ATE1: variants seen among roughly 807,000 people sequenced by gnomAD.
ATE1 encodes the protein arginyl-tRNA--protein transferase 1.
A neutral mutation model predicts 70.5 loss-of-function variants in ATE1; 36 were observed. The observed-to-expected ratio is 0.51, with a 90% CI of 0.39 to 0.67. The LOEUF (loss-of-function observed/expected upper bound fraction) is 0.67. Ranked by LOEUF, ATE1 falls within the 30% of genes least tolerant of loss-of-function variation. The pLI is 0.00. For missense variants in ATE1, 593 were observed against 629.5 expected, an observed-to-expected ratio of 0.94 and a Z score of 0.62; for synonymous variants, 232 against 219.3, an observed-to-expected ratio of 1.06 and a Z score of -0.51.
intron 8 of ATE1, among the ~76,000 whole-genome samples, chr10:121,861,589 T>A (rs1305738577): frequency 2.5e-3 from 271 of 108,428 alleles, no homozygotes; most frequent in African/African-American, 9.3e-3. Flanking sequence ...CTGGGGACTG[T>A]TGTGGGGTGG....
At chr10:121,922,648 T>G (rs73364494) in intron 2 of ATE1, among the ~76,000 whole-genome samples, 5,087 of 152,106 alleles carry the variant, frequency 0.033, 154 homozygotes, top group African/African-American at 0.083. Flanking sequence ...TCATCTCAGT[T>G]CCCCTCTCAC....
intron 8 of ATE1, 67 bp downstream of exon 8, chr10:121,869,939 A>G: frequency 7.1e-7 from 1 of 1,413,668 alleles, no homozygotes; most frequent in Non-Finnish European, 1.0e-6. Context: ...ATAAATGCCT[A>G]ATGAAAGATA....
chr10:121,763,548 G>A (rs562630179), intron 11 of ATE1, among the ~76,000 whole-genome samples: 133 of 152,288 alleles, frequency 8.7e-4, no homozygotes, highest in African/African-American at 3.0e-3. Context: ...TCTGGAAAAG[G>A]TAAAACTATG....
intron 11 of ATE1, among the ~76,000 whole-genome samples, chr10:121,773,987 A>T (rs1248961768): frequency 1.1e-4 from 16 of 152,230 alleles, no homozygotes; most frequent in African/African-American, 3.9e-4. Flanking sequence ...AACACCAGCA[A>T]ATTCAAAACG....
At chr10:121,925,932 G>A (rs1352125348) in intron 1 of ATE1, among the ~76,000 whole-genome samples, 1 of 151,872 alleles carries the variant, frequency 6.6e-6, no homozygotes, top group African/African-American at 2.4e-5. Context: ...TGGGCCAGGT[G>A]CAGTGGCTCA....
At chr10:121,875,090 G>C (rs1949997920) in intron 7 of ATE1, among the ~76,000 whole-genome samples, 1 of 136,554 alleles carries the variant, frequency 7.3e-6, no homozygotes, top group African/African-American at 2.8e-5. Context: ...AGTGAGTCGA[G>C]ACCGCACCAC....
In ATE1 at chr10:121,871,004, C is replaced by T. The variant is rs150618165; in HGVS notation, c.943-966G>A. ...TTTCCAAGCACTCATGAACTTCCTC[C>T]CCACAACAAAGCTAGTACTCGCAGG... is the stretch of plus-strand genomic sequence containing the variant. On this transcript the variant is annotated intron_variant, in intron 7 of 11. Coordinates refer to ENST00000224652, the MANE Select transcript of ATE1 (RefSeq NM_001001976.3). 7.1e-3 allele frequency among the ~76,000 whole-genome samples: 1,076 copies of T among 152,172 alleles called. 25 individuals carry two copies. Among genetic ancestry groups the T allele is most frequent in the African/African-American group, 0.025 (1,018 of 41,508 alleles).
intron 8 of ATE1, among the ~76,000 whole-genome samples, chr10:121,867,750 G>C (rs538415719): frequency 6.6e-6 from 1 of 152,152 alleles, no homozygotes; most frequent in African/African-American, 2.4e-5. Flanking sequence ...GTATAATTTT[G>C]CATCGTGCTT....
At chr10:121,786,471 C>G (rs1946216167) in intron 11 of ATE1, among the ~76,000 whole-genome samples, 1 of 151,980 alleles carries the variant, frequency 6.6e-6, no homozygotes, top group African/African-American at 2.4e-5. Context: ...GAGTTCAAGA[C>G]AAGCCTACGC....
intron 6 of ATE1, among the ~76,000 whole-genome samples, chr10:121,901,085 G>C (rs1415843440): frequency 6.6e-6 from 1 of 152,096 alleles, no homozygotes; most frequent in Non-Finnish European, 1.5e-5. Flanking sequence ...GGCTGACATG[G>C]TGAAACCCTG....
intron 7 of ATE1, among the ~76,000 whole-genome samples, chr10:121,894,163 G>GAA (rs563581504): frequency 7.1e-6 from 1 of 141,272 alleles, no homozygotes; most frequent in South Asian, 2.3e-4. Flanking sequence ...AGGAACAGAG[G>GAA]AAAAAAAAAA....
intron 11 of ATE1, among the ~76,000 whole-genome samples, chr10:121,788,031 A>G (rs1394471756): frequency 6.6e-6 from 1 of 152,226 alleles, no homozygotes; most frequent in African/African-American, 2.4e-5. Context: ...ACTTATACAG[A>G]AACAGTTTTA....
chr10:121,885,272 A>AG (rs1950350072), intron 7 of ATE1, among the ~76,000 whole-genome samples: 1 of 147,358 alleles, frequency 6.8e-6, no homozygotes, highest in African/African-American at 2.5e-5. Flanking sequence ...AAAAAAAAAA[A>AG]AAAAAAAAAA....
intron 3 of ATE1, among the ~76,000 whole-genome samples, chr10:121,919,266 C>T (rs1339089658): frequency 6.6e-6 from 1 of 152,044 alleles, no homozygotes; most frequent in Non-Finnish European, 1.5e-5. Context: ...TTGAAGTGAG[C>T]GAGACCAAGA....
In ATE1 at chr10:121,866,567, G is replaced by A. The variant is rs116539612; in HGVS notation, c.975+3439C>T. ...TGTAATTTAAAAGTATATATTTGTG[G>A]CCGGGCGCAGTGGCTCACACCTGTA... On this transcript the variant is annotated intron_variant, in intron 8 of 11. Transcript: ENST00000224652. 5.6e-3 allele frequency among the ~76,000 whole-genome samples: 859 copies of A among 152,188 alleles called. 9 individuals are homozygous for A. The highest frequency in any genetic ancestry group is 0.02 in the African/African-American group (823 of 41,512).
At chr10:121,749,964 G>A (rs1341443453) in intron 11 of ATE1, among the ~76,000 whole-genome samples, 1 of 152,108 alleles carries the variant, frequency 6.6e-6, no homozygotes, top group Non-Finnish European at 1.5e-5. Flanking sequence ...TGTCTTCTGG[G>A]CTTAATGTTC....
At chr10:121,794,501 G>A (rs1946574413) in intron 10 of ATE1, among the ~76,000 whole-genome samples, 1 of 147,468 alleles carries the variant, frequency 6.8e-6, no homozygotes, top group African/African-American at 2.5e-5. Context: ...AGCTATTTGG[G>A]AGGCTGAGGT....
At chr10:121,776,186 C>G (rs1361990899) in intron 11 of ATE1, among the ~76,000 whole-genome samples, 1 of 152,132 alleles carries the variant, frequency 6.6e-6, no homozygotes, top group Non-Finnish European at 1.5e-5. Context: ...ATTCCAATTC[C>G]ACTCTTCCAG....
chr10:121,790,381 A>G, intron 10 of ATE1, 92 bp from the exon 11 acceptor site: 1 of 1,478,300 alleles, frequency 6.8e-7, no homozygotes, highest in African/African-American at 1.4e-5. Flanking sequence ...GTTTAAAGCA[A>G]AAACTTAAAA....
Sources: gnomAD v4.1 joint callset for allele counts (sites outside exome capture counted in the v4.1 genomes callset) on GRCh38, gnomAD v4.1.1 for gene constraint, MANE v1.5 for transcripts, NCBI Gene and HGNC (gene_info 2026-07-23, HGNC 2026-07-21) for gene names.